The following MACROD2 variants were observed in gnomAD, a reference collection of about 807,000 sequenced individuals.
The protein encoded by MACROD2 is ADP-ribose glycohydrolase MACROD2.
Under a neutral mutation model 70.4 loss-of-function variants are expected in MACROD2, and 36 were observed. The ratio of observed to expected loss-of-function variants is 0.51; its 90% CI spans 0.39 to 0.68. The LOEUF is 0.68. MACROD2 is among the 30% of genes least tolerant of loss of function. The pLI is 0.00. For missense variants in MACROD2, 496 were observed against 538.4 expected (o/e 0.92, Z 0.78); for synonymous variants, 172 against 178.8 (o/e 0.96, Z 0.30).
At chr20:14,330,326 G>T (rs918884896) in intron 3 of MACROD2, among the ~76,000 whole-genome samples, 4 of 151,938 alleles carry the variant, frequency 2.6e-5, no homozygotes, top group African/African-American at 9.7e-5. Context: ...GTTATGCAGG[G>T]TCATCCACTC....
chr20:14,689,018 T>C (rs1439435190), intron 5 of MACROD2, among the ~76,000 whole-genome samples: 1 of 152,182 alleles, frequency 6.6e-6, no homozygotes, highest in African/African-American at 2.4e-5. Context: ...TCTACAATGC[T>C]CTACATGATG....
rs900534763 is a variant in MACROD2, at chr20:14,540,354, T to A, written c.301+46846T>A. ...AGGCAAGAAGCAGTAGCAGCTTCAA[T>A]GTGGTGACTTTGCAGGCAGTCAAAC... On this transcript the variant is annotated intron_variant, in intron 4 of 17. Coordinates refer to ENST00000684519, the MANE Select transcript of MACROD2 (RefSeq NM_001351661.2). Among the ~76,000 whole-genome samples the A allele has an allele frequency of 2.6e-5, 4 of 152,316 alleles. No homozygotes were observed. The South Asian group carries it at 6.2e-4, about 24-fold the overall frequency.
At chr20:15,851,033 C>T (rs956765067) in intron 8 of MACROD2, among the ~76,000 whole-genome samples, 10 of 151,602 alleles carry the variant, frequency 6.6e-5, no homozygotes, top group African/African-American at 1.9e-4. Flanking sequence ...CCACTCAGAA[C>T]GTTGGAAATG....
chr20:15,946,808 G>A (rs2065829907), intron 12 of MACROD2, among the ~76,000 whole-genome samples: 2 of 152,288 alleles, frequency 1.3e-5, no homozygotes, highest in East Asian at 3.9e-4. Context: ...CGGAGGACCT[G>A]CACAGGCACC....
intron 4 of MACROD2, among the ~76,000 whole-genome samples, chr20:14,662,127 A>C (rs993681317): frequency 6.6e-6 from 1 of 152,116 alleles, no homozygotes; most frequent in African/African-American, 2.4e-5. Flanking sequence ...GAACTAAAAA[A>C]AGATGATAGA....
chr20:15,233,985 A>ATT (rs1165476969), intron 6 of MACROD2, among the ~76,000 whole-genome samples: 5 of 47,882 alleles, frequency 1.0e-4, no homozygotes, highest in African/African-American at 3.1e-4. Flanking sequence ...ATATTTATTT[A>ATT]TATATATATA....
chr20:15,209,925 T>C (rs189386934), intron 5 of MACROD2, among the ~76,000 whole-genome samples: 1 of 152,320 alleles, frequency 6.6e-6, no homozygotes, highest in Admixed American at 6.5e-5. Flanking sequence ...TGGTTCTCCA[T>C]AGAGTTTATT....
chr20:14,929,664 T>G (rs558035264), intron 5 of MACROD2: 2 of 152,198 alleles, frequency 1.3e-5, no homozygotes, highest in South Asian at 4.2e-4. Context: ...TTCCAACCTT[T>G]TAGTCACATG....
intron 3 of MACROD2, among the ~76,000 whole-genome samples, chr20:14,454,699 T>C (rs1355512918): frequency 1.3e-5 from 2 of 151,750 alleles, no homozygotes; most frequent in Non-Finnish European, 2.9e-5. Context: ...AGTTAAGTGA[T>C]TTGTCCCTGC....
chr20:14,786,743 G>T lies in MACROD2; in HGVS notation c.418+101784G>T, dbSNP rs138098792. Among the ~76,000 whole-genome samples the T allele has an allele frequency of 2.0e-4, 31 of 152,126 alleles. 1 individual carries two copies. Among genetic ancestry groups the T allele is most frequent in the African/African-American group, 7.5e-4 (31 of 41,456 alleles). On this transcript the variant is annotated intron_variant, in intron 5 of 17. Transcript: ENST00000684519. Reference sequence around the variant, plus strand: ...AATGCCCACAGTCTTTTGTTGAGATGATCACCTATCTCTTCAGAATCTCCA... The same window carrying T: ...AATGCCCACAGTCTTTTGTTGAGATTATCACCTATCTCTTCAGAATCTCCA...
intron 3 of MACROD2, among the ~76,000 whole-genome samples, chr20:14,193,534 G>A (rs1343786990): frequency 1.3e-5 from 2 of 152,262 alleles, no homozygotes; most frequent in African/African-American, 4.8e-5. Flanking sequence ...TGGCTGGTGA[G>A]CCTCCTAGAG....
chr20:14,234,528 C>T (rs6074708), intron 3 of MACROD2, among the ~76,000 whole-genome samples: 2,380 of 152,202 alleles, frequency 0.016, 34 homozygotes, highest in Non-Finnish European at 0.025. Flanking sequence ...TAAATATTAT[C>T]CTATTTAAAC....
At chr20:15,653,630 A>G (rs1391401688) in intron 8 of MACROD2, among the ~76,000 whole-genome samples, 1 of 152,164 alleles carries the variant, frequency 6.6e-6, no homozygotes, top group Non-Finnish European at 1.5e-5. Flanking sequence ...GGACACCAGC[A>G]TTCTTTCCCT....
At chr20:14,878,227 T>G (rs2073571589) in intron 5 of MACROD2, among the ~76,000 whole-genome samples, 1 of 152,154 alleles carries the variant, frequency 6.6e-6, no homozygotes, top group African/African-American at 2.4e-5. Flanking sequence ...CATTCCTTAG[T>G]CTGAAGAAGG....
chr20:15,368,415 A>G lies in MACROD2; in HGVS notation c.541-62990A>G, dbSNP rs2045442499. ...AAAACCTCTAAACCTTGTTTGCCCA[A>G]AAAGTTGACCAAAGAATATCTATTT... On this transcript the variant is annotated intron_variant, in intron 6 of 17. Coordinates refer to ENST00000684519, the MANE Select transcript of MACROD2 (RefSeq NM_001351661.2). Among the ~76,000 whole-genome samples the G allele has an allele frequency of 5.3e-5, 8 of 152,180 alleles. No homozygotes were observed. In the South Asian group the frequency reaches 1.7e-3, roughly 31 times the overall value.
intron 5 of MACROD2, among the ~76,000 whole-genome samples, chr20:14,852,340 G>T (rs186982200): frequency 6.6e-6 from 1 of 152,228 alleles, no homozygotes; most frequent in African/African-American, 2.4e-5. Context: ...TGATCTGGGG[G>T]TCACTGGTGA....
At chr20:16,003,078 C>CACACA (rs2066734238) in intron 15 of MACROD2, among the ~76,000 whole-genome samples, 1 of 129,916 alleles carries the variant, frequency 7.7e-6, no homozygotes, top group Non-Finnish European at 1.6e-5. Context: ...ACCCACCCAC[C>CACACA]CACCCACACA....
rs1360976245 is a variant in MACROD2 at position 15,642,638 on chromosome 20, ACACG to A, written c.645+142792_645+142795del. Reference sequence around the variant, plus strand: ...CACACACACACACACACACACACACACACGTGTGCATGCAAGAAAAACAAACAAA... The same window carrying A: ...CACACACACACACACACACACACACATGTGCATGCAAGAAAAACAAACAAA... On this transcript the variant is annotated intron_variant, in intron 8 of 17. Coordinates refer to ENST00000684519, the MANE Select transcript of MACROD2 (RefSeq NM_001351661.2). Among the ~76,000 whole-genome samples the A allele has an allele frequency of 1.3e-3, 158 of 126,184 alleles. 1 individual carries two copies. Among genetic ancestry groups the A allele is most frequent in the Admixed American group, 7.6e-3 (96 of 12,552 alleles). 82.8% of individuals were successfully genotyped at this position (126,184 alleles called of 152,430 possible).
chr20:15,824,358 T>C (rs1485917605), intron 8 of MACROD2, among the ~76,000 whole-genome samples: 5 of 152,200 alleles, frequency 3.3e-5, no homozygotes, highest in Non-Finnish European at 7.3e-5. Flanking sequence ...TTTTAAGATA[T>C]GGTTATTTTA....
Sources: allele counts gnomAD v4.1 joint callset (sites outside exome capture counted in the v4.1 genomes callset), GRCh38; gene constraint gnomAD v4.1.1; transcripts MANE v1.5; gene names NCBI Gene and HGNC (gene_info 2026-07-23, HGNC 2026-07-21).